CIMAP2: variants seen among roughly 807,000 people sequenced by gnomAD.
The protein encoded by CIMAP2 is ciliary microtubule associated protein 2.
At chr1:54,829,688 G>GT in the CIMAP2 span, among the ~76,000 whole-genome samples, 2 of 152,080 alleles carry the variant, frequency 1.3e-5, no homozygotes, top group Non-Finnish European at 2.9e-5. Flanking sequence ...TATTTTTTAA[G>GT]TTTTTTAAGT....
the CIMAP2 span, chr1:54,815,066 A>G: frequency 4.3e-6 from 7 of 1,612,476 alleles, no homozygotes; most frequent in South Asian, 2.2e-5. Flanking sequence ...TGAGGGATAC[A>G]TGGGAACTCT....
chr1:54,806,712 G>T, the CIMAP2 span, among the ~76,000 whole-genome samples: 1 of 151,088 alleles, frequency 6.6e-6, no homozygotes, highest in African/African-American at 2.4e-5. Flanking sequence ...TTCTGTGGGG[G>T]GTGGGGGTGG....
At chr1:54,811,557 C>T in the CIMAP2 span, among the ~76,000 whole-genome samples, 113 of 152,258 alleles carry the variant, frequency 7.4e-4, no homozygotes, top group African/African-American at 2.7e-3. Context: ...TGAGATATAA[C>T]TTGCACAGGC....
the CIMAP2 span, chr1:54,807,187 T>C: frequency 8.0e-7 from 1 of 1,257,016 alleles, no homozygotes; most frequent in Non-Finnish European, 1.2e-6. Flanking sequence ...GGGCGTACTT[T>C]CTACCTTCTT....
At chr1:54,826,060 G>A in the CIMAP2 span, among the ~76,000 whole-genome samples, 24 of 152,256 alleles carry the variant, frequency 1.6e-4, no homozygotes, top group African/African-American at 5.3e-4. Context: ...GCTCCCTGAC[G>A]GTGTACATGG....
the CIMAP2 span, chr1:54,808,058 A>G: frequency 1.3e-6 from 2 of 1,488,990 alleles, no homozygotes; most frequent in Admixed American, 2.5e-5. Flanking sequence ...CCTGGCATAC[A>G]CTGGGTGCCC....
the CIMAP2 span, among the ~76,000 whole-genome samples, chr1:54,822,628 T>C: frequency 6.6e-4 from 100 of 152,274 alleles, no homozygotes; most frequent in East Asian, 0.016. Context: ...CTCAGCCTCC[T>C]GAGTAGCTGG....
the CIMAP2 span, chr1:54,807,102 C>T: frequency 6.3e-7 from 1 of 1,597,382 alleles, no homozygotes. Context: ...GCACAGCTTC[C>T]CTGACTCCTC....
At chr1:54,815,130 T>C in the CIMAP2 span, 1 of 1,544,542 alleles carries the variant, frequency 6.5e-7, no homozygotes, top group Non-Finnish European at 8.8e-7. Context: ...TAACCGATGC[T>C]TTGAGTGAGC....
At chr1:54,824,772 C>A in the CIMAP2 span, among the ~76,000 whole-genome samples, 5 of 151,884 alleles carry the variant, frequency 3.3e-5, no homozygotes, top group African/African-American at 1.2e-4. Context: ...TCATTCAGAT[C>A]ATCAATTGTT....
chr1:54,832,995 C>G, the CIMAP2 span, among the ~76,000 whole-genome samples: 1 of 151,934 alleles, frequency 6.6e-6, no homozygotes, highest in African/African-American at 2.4e-5. Context: ...CCACCACACT[C>G]CAGCCTGTGA....
chr1:54,835,363 TG>T, the CIMAP2 span, among the ~76,000 whole-genome samples: 31 of 152,008 alleles, frequency 2.0e-4, no homozygotes, highest in African/African-American at 7.3e-4. Context: ...AGCTAATTTT[TG>T]TAATGTTTGT....
At chr1:54,813,995 CG>C in the CIMAP2 span, 31 of 1,564,370 alleles carry the variant, frequency 2.0e-5, no homozygotes, top group Non-Finnish European at 2.7e-5. Flanking sequence ...CTCCTATGGC[CG>C]GCCTTCCTCT....
chr1:54,830,829 A>C, the CIMAP2 span, among the ~76,000 whole-genome samples: 1 of 152,142 alleles, frequency 6.6e-6, no homozygotes, highest in Admixed American at 6.5e-5. The surrounding 1 kb of genome is among the most constrained non-coding windows in gnomAD (Gnocchi z 4.1). Context: ...TTTGGAGTTT[A>C]GCTTTCTTAG....
the CIMAP2 span, among the ~76,000 whole-genome samples, chr1:54,816,035 G>C: frequency 2.2e-4 from 33 of 152,348 alleles, no homozygotes; most frequent in African/African-American, 6.0e-4. Flanking sequence ...ACCCCCTGCA[G>C]GGGAGAAAGT....
chr1:54,815,129 C>T, the CIMAP2 span: 2 of 1,546,958 alleles, frequency 1.3e-6, no homozygotes, highest in Admixed American at 1.8e-5. Flanking sequence ...GTAACCGATG[C>T]TTTGAGTGAG....
At chr1:54,806,951 A>G in the CIMAP2 span, 1 of 1,546,790 alleles carries the variant, frequency 6.5e-7, no homozygotes, top group Admixed American at 1.7e-5. Flanking sequence ...CGCCAGGGCC[A>G]GGTGCCAGGC....
chr1:54,814,785 C>T, the CIMAP2 span: 2 of 1,344,960 alleles, frequency 1.5e-6, no homozygotes, highest in Non-Finnish European at 2.0e-6. Context: ...GGTACCTCCA[C>T]CGTCCTTGGC....
the CIMAP2 span, among the ~76,000 whole-genome samples, chr1:54,823,814 A>G: frequency 6.6e-6 from 1 of 152,198 alleles, no homozygotes. Flanking sequence ...GGACTCTCTC[A>G]AGCATTTCTT....
Sources: gnomAD v4.1 joint callset for allele counts (sites outside exome capture counted in the v4.1 genomes callset) on GRCh38, gnomAD v4.1.1 for gene constraint, Gnocchi (gnomAD v3.1) non-coding constraint, MANE v1.5 for transcripts, NCBI Gene and HGNC (gene_info 2026-07-23, HGNC 2026-07-21) for gene names.